ESRRG: variants seen among roughly 807,000 people sequenced by gnomAD.
ESRRG encodes the protein estrogen related receptor gamma, also known as estrogen-related receptor gamma.
ESRRG carries 13 observed loss-of-function variants against 44.0 expected under a neutral mutation model. The ratio of observed to expected loss-of-function variants is 0.30; its 90% CI spans 0.19 to 0.47. ESRRG has a LOEUF of 0.47. Among genes scored for constraint, ESRRG ranks in the 20% least tolerant of loss-of-function variants. ESRRG has a pLI of 1.00. For synonymous variants in ESRRG, 215 were observed against 214.6 expected (o/e 1.00, Z -0.02); for missense variants, 395 against 580.6 (o/e 0.68, Z 3.29).
intron 1 of ESRRG, among the ~76,000 whole-genome samples, chr1:217,100,963 G>A (rs1580575685): frequency 6.6e-6 from 1 of 152,202 alleles, no homozygotes; most frequent in South Asian, 2.1e-4. Context: ...CACAAAGCCT[G>A]AACCTCTAAC....
intron 4 of ESRRG, among the ~76,000 whole-genome samples, chr1:216,565,744 G>A (rs11572776): frequency 3.3e-5 from 5 of 151,898 alleles, no homozygotes; most frequent in Admixed American, 6.6e-5. Context: ...CAAATACTAC[G>A]TTGACTAGAA....
chr1:216,868,115 T>C (rs2096201198), intron 2 of ESRRG, among the ~76,000 whole-genome samples: 1 of 131,694 alleles, frequency 7.6e-6, no homozygotes, highest in African/African-American at 3.0e-5. Flanking sequence ...GAGACAGAGT[T>C]TCACTCCTAT....
At chr1:217,052,807 C>T (rs1034945556) in intron 1 of ESRRG, among the ~76,000 whole-genome samples, 11 of 152,022 alleles carry the variant, frequency 7.2e-5, no homozygotes, top group East Asian at 1.9e-4. Context: ...GTGGTTTCTC[C>T]GAGGCAGTCT....
chr1:216,652,001 C>T (rs1158386675), intron 2 of ESRRG, among the ~76,000 whole-genome samples: 2 of 152,020 alleles, frequency 1.3e-5, no homozygotes, highest in African/African-American at 4.8e-5. Flanking sequence ...AGCTTTTCTC[C>T]CCAATCAGCT....
In ESRRG at chr1:217,080,671, G is replaced by GTT. The variant is rs34598045; in HGVS notation, c.-106+8834_-106+8835dup. 6.5e-3 allele frequency among the ~76,000 whole-genome samples: 427 copies of GTT among 65,204 alleles called. 19 individuals carry two copies. The highest frequency in any genetic ancestry group is 0.025 in the African/African-American group (403 of 16,054). The allele number at this position is 65,204 out of a possible 152,430, so 42.8% of individuals were successfully genotyped here. ...TTTGTTTGTTTGTTTTGTTTTTTTG[G>GTT]TTTTTTTTTTTTTTTTTTTTTTTTG... On this transcript the variant is annotated intron_variant, in intron 1 of 7. Transcript: ENST00000359162.
intron 6 of ESRRG, among the ~76,000 whole-genome samples, chr1:216,516,040 T>C (rs764286854): frequency 1.3e-4 from 20 of 152,046 alleles, no homozygotes; most frequent in African/African-American, 1.9e-4. Flanking sequence ...CCTCGTTATA[T>C]ACATGAAAAA....
intron 6 of ESRRG, among the ~76,000 whole-genome samples, chr1:216,518,889 T>C (rs2045209034): frequency 6.6e-6 from 1 of 152,240 alleles, no homozygotes; most frequent in Non-Finnish European, 1.5e-5. Context: ...ACAAGAGCTT[T>C]TGCTTTGCCA....
intron 6 of ESRRG, among the ~76,000 whole-genome samples, chr1:216,515,654 A>C (rs996612103): frequency 3.9e-5 from 6 of 152,266 alleles, no homozygotes; most frequent in East Asian, 1.9e-4. Flanking sequence ...AGAAGTAAAA[A>C]AGAAAACTTG....
intron 2 of ESRRG, among the ~76,000 whole-genome samples, chr1:216,823,995 T>C (rs1019249498): frequency 1.3e-5 from 2 of 152,158 alleles, no homozygotes; most frequent in Admixed American, 6.6e-5. Flanking sequence ...CCAACTACAA[T>C]GCATTCTTCT....
intron 2 of ESRRG, among the ~76,000 whole-genome samples, chr1:216,853,241 A>G (rs11572558): frequency 1.7e-3 from 266 of 152,306 alleles, no homozygotes; most frequent in African/African-American, 6.2e-3. Flanking sequence ...AAGAAAAATG[A>G]CAAGTCCTTC....
chr1:216,960,524 C>T (rs1310973328), intron 1 of ESRRG, among the ~76,000 whole-genome samples: 1 of 151,882 alleles, frequency 6.6e-6, no homozygotes, highest in Non-Finnish European at 1.5e-5. Context: ...ATCTATAGTC[C>T]TCTCTGGTTG....
At chr1:216,961,887 G>T (rs2576218) in intron 1 of ESRRG, among the ~76,000 whole-genome samples, 2 of 151,934 alleles carry the variant, frequency 1.3e-5, no homozygotes, top group East Asian at 1.9e-4. Flanking sequence ...ACACATATAC[G>T]CACACAAAAT....
At chr1:216,918,600 T>C (rs906565378) in intron 2 of ESRRG, among the ~76,000 whole-genome samples, 5 of 152,078 alleles carry the variant, frequency 3.3e-5, no homozygotes, top group Admixed American at 2.6e-4. Context: ...TACTATTATT[T>C]AACTTTTCAC....
intron 1 of ESRRG, among the ~76,000 whole-genome samples, chr1:216,991,729 G>A (rs1193999271): frequency 6.6e-6 from 1 of 151,870 alleles, no homozygotes; most frequent in African/African-American, 2.4e-5. Flanking sequence ...GGAAAGGGAG[G>A]TAGAGTGTGA....
chr1:216,770,302 C>A (rs558885871), intron 2 of ESRRG, among the ~76,000 whole-genome samples: 1 of 152,068 alleles, frequency 6.6e-6, no homozygotes, highest in African/African-American at 2.4e-5. Flanking sequence ...TTTTTATAAA[C>A]ACACAGGAGA....
intron 1 of ESRRG, among the ~76,000 whole-genome samples, chr1:216,951,275 T>C (rs752106529): frequency 6.6e-5 from 10 of 152,188 alleles, no homozygotes; most frequent in Non-Finnish European, 8.8e-5. Context: ...AATGCCTTAA[T>C]ACAGACATAT....
intron 1 of ESRRG, among the ~76,000 whole-genome samples, chr1:217,017,329 C>T (rs56347046): frequency 1.1e-4 from 16 of 152,180 alleles, no homozygotes; most frequent in Admixed American, 4.6e-4. Flanking sequence ...AATAACCCCT[C>T]TCAGCCTCAT....
intron 1 of ESRRG, among the ~76,000 whole-genome samples, chr1:216,999,821 T>G (rs2076800198): frequency 6.6e-6 from 1 of 152,214 alleles, no homozygotes; most frequent in Admixed American, 6.5e-5. Flanking sequence ...CCTTCTTAGC[T>G]TCTGTGTTCT....
intron 1 of ESRRG, chr1:216,701,339 G>A (rs1320163237): frequency 6.6e-6 from 1 of 152,064 alleles, no homozygotes; most frequent in Non-Finnish European, 1.5e-5. Flanking sequence ...CATCCTTACT[G>A]TATGACCCTG....
Sources: allele counts gnomAD v4.1 joint callset (sites outside exome capture counted in the v4.1 genomes callset), GRCh38; gene constraint gnomAD v4.1.1; transcripts MANE v1.5; gene names NCBI Gene and HGNC (gene_info 2026-07-23, HGNC 2026-07-21).